CACNA1E: variants seen among roughly 807,000 people sequenced by gnomAD.
CACNA1E encodes the protein calcium voltage-gated channel subunit alpha1 E, also known as voltage-dependent R-type calcium channel subunit alpha-1E.
In CACNA1E, 40 loss-of-function variants were observed where a neutral mutation model predicts 259.2. The ratio of observed to expected loss-of-function variants is 0.15; its 90% CI spans 0.12 to 0.20. The LOEUF (loss-of-function observed/expected upper bound fraction) is 0.20, where lower values mean the gene tolerates loss of function less well. Among genes scored for constraint, CACNA1E ranks in the 10% least tolerant of loss-of-function variants. The probability of loss-of-function intolerance (pLI) is 1.00; values close to 1 mark genes in which losing one functional copy is unlikely to be tolerated. For missense variants in CACNA1E, 1,874 were observed against 3,040.1 expected, an observed-to-expected ratio of 0.62 and a Z score of 9.02; for synonymous variants, 1,104 against 1,138.5, an observed-to-expected ratio of 0.97 and a Z score of 0.61.
intron 6 of CACNA1E, among the ~76,000 whole-genome samples, chr1:181,622,772 C>T (rs981072957): frequency 5.3e-5 from 8 of 152,238 alleles, no homozygotes; most frequent in Non-Finnish European, 1.0e-4. Flanking sequence ...TTTCATTGTC[C>T]TGTTGTCCTT....
intron 6 of CACNA1E, among the ~76,000 whole-genome samples, chr1:181,649,842 G>C (rs1297538410): frequency 6.6e-6 from 1 of 152,128 alleles, no homozygotes; most frequent in East Asian, 1.9e-4. Context: ...ACACACTGGA[G>C]TCTTTTGGAG....
chr1:181,570,165 T>C (rs1292257112), intron 3 of CACNA1E, among the ~76,000 whole-genome samples: 1 of 112,424 alleles, frequency 8.9e-6, no homozygotes, highest in Non-Finnish European at 1.8e-5. Context: ...TGTAGTAGAC[T>C]TTTTTTTTTT....
chr1:181,547,824 T>C (rs1215741785), intron 3 of CACNA1E, among the ~76,000 whole-genome samples: 2 of 152,254 alleles, frequency 1.3e-5, no homozygotes. Flanking sequence ...TTTATCAGAA[T>C]ATAACACTGC....
At chr1:181,400,783 T>C (rs1047128265) in intron 1 of CACNA1E, among the ~76,000 whole-genome samples, 1 of 152,240 alleles carries the variant, frequency 6.6e-6, no homozygotes, top group South Asian at 2.1e-4. Flanking sequence ...TTGGGGTACA[T>C]TGAGCTCCTA....
chr1:181,732,524 C>T lies in CACNA1E; in HGVS notation c.2438C>T (p.Pro813Leu), dbSNP rs186600513. ...ATGAACCCGCTCAACCCCCTCAACC[C>T]GCTCAGCTCCCTCAACCCGCTCAAT... is the stretch of plus-strand genomic sequence containing the variant. ...PTMNPLNPLN[P>L]LSSLNPLNAH... Residue 813 changes from proline (P) to leucine (L), a missense_variant, in exon 20 of 48, where the codon CCG (proline) becomes CTG (leucine). This residue lies in a region of CACNA1E where 476 missense variants were observed against 514.0 expected (regional missense o/e 0.93). Transcript: ENST00000367573. This position sits in a 1 kb window ranked among gnomAD's most constrained non-coding sequence, Gnocchi z 5.5. 9.0e-6 allele frequency: 14 copies of T among 1,551,316 alleles called. No homozygotes were observed. The highest frequency in any genetic ancestry group is 3.9e-5 in the Admixed American group (2 of 50,942).
rs375430114 is a variant in CACNA1E at position 181,372,831 on chromosome 1, T to A, written c.-14-40302T>A. 8.5e-3 allele frequency among the ~76,000 whole-genome samples: 1,260 copies of A among 147,824 alleles called. 14 individuals carry two copies. The highest frequency in any genetic ancestry group is 0.03 in the African/African-American group (1,161 of 38,850). On this transcript the variant is annotated intron_variant, in intron 1 of 11. Transcript: ENST00000524607. ...TTGAATATATATATATATATATATT[T>A]TTTTTTTAACATGAAGGGATATTGA...
rs765724289 is a variant in CACNA1E, at chr1:181,718,086, C to T, written c.1557C>T (p.Phe519=). 1.2e-6 allele frequency: 2 copies of T among 1,603,922 alleles called. No homozygotes were observed. Among genetic ancestry groups the T allele is most frequent in the Non-Finnish European group, 8.5e-7 (1 of 1,170,828 alleles). The change falls in exon 12 of 48, where the codon TTC becomes TTT. Residue 519 remains phenylalanine, a synonymous_variant. Transcript: ENST00000367573. ...YYAEFLFLGL[F]LLEMSLKMYG... is the part of the protein sequence containing the mutation. Reference sequence around the variant, plus strand: ...CAGAATTTCTGTTTCTGGGACTCTTCCTCTTGGAGATGTCCCTGAAGATGT... The same window carrying T: ...CAGAATTTCTGTTTCTGGGACTCTTTCTCTTGGAGATGTCCCTGAAGATGT...
Position 181,802,819 on chromosome 1 carries a change from A to G in CACNA1E, c.*3985A>G, listed in dbSNP as rs1662373269. On this transcript the variant is annotated 3_prime_UTR_variant, in exon 48 of 48. Transcript: ENST00000367573. ...TGTTCTCAATTTTTCATTACATCCT[A>G]CTTCTCAGCCCTCTGGATGTTTCAT... The G allele has an allele frequency of 6.6e-6, 1 of 152,116 alleles. No individual in the cohort carries two copies. Among genetic ancestry groups the G allele is most frequent in the African/African-American group, 2.4e-5 (1 of 41,396 alleles). The allele number at this position is 152,116 out of a possible 1,614,324, so 9.4% of individuals were successfully genotyped here.
rs962193303 is a variant in CACNA1E, at chr1:181,789,339, G to A, written c.5787-1106G>A. On this transcript the variant is annotated intron_variant, in intron 43 of 47. Transcript: ENST00000367573. ...CATTGGAAGCAAGGGGACAGATTAGGTGATTCTCTGCTCTTCATATCTTCT... is the reference window on the plus strand; with the variant it reads ...CATTGGAAGCAAGGGGACAGATTAGATGATTCTCTGCTCTTCATATCTTCT... 2.6e-5 allele frequency among the ~76,000 whole-genome samples: 4 copies of A among 152,306 alleles called. 1 individual carries two copies. Among genetic ancestry groups the A allele is most frequent in the Admixed American group, 2.6e-4 (4 of 15,308 alleles).
intron 1 of CACNA1E, among the ~76,000 whole-genome samples, chr1:181,391,939 C>CTGTGTGTGTGTGTGTGTGTG (rs1227455808): frequency 9.0e-6 from 1 of 110,960 alleles, no homozygotes; most frequent in African/African-American, 4.1e-5. Flanking sequence ...CTCTCTCTCT[C>CTGTGTGTGTGTGTGTGTGTG]TCTCTCTGTG....
intron 1 of CACNA1E, among the ~76,000 whole-genome samples, chr1:181,400,912 G>T (rs1464237520): frequency 6.6e-6 from 1 of 152,114 alleles, no homozygotes; most frequent in Non-Finnish European, 1.5e-5. Flanking sequence ...CTCTCCCACG[G>T]TCTGTCCTCA....
intron 1 of CACNA1E, among the ~76,000 whole-genome samples, chr1:181,334,530 G>A (rs561003542): frequency 7.2e-5 from 11 of 152,036 alleles, no homozygotes; most frequent in Admixed American, 5.9e-4. Context: ...TTCAATCTTC[G>A]CTATGTCAGT....
intron 6 of CACNA1E, among the ~76,000 whole-genome samples, chr1:181,625,660 G>T (rs1290331078): frequency 6.6e-6 from 1 of 152,172 alleles, no homozygotes; most frequent in African/African-American, 2.4e-5. Context: ...TGTTGTGACT[G>T]GTTTGATCTT....
chr1:181,390,814 C>T lies in CACNA1E; in HGVS notation c.-14-22319C>T, dbSNP rs182924172. ...CAAGCAGGGGAAAAAGTCAGATGGA[C>T]ATGTAACTATGTAATTATAGTGTGT... On this transcript the variant is annotated intron_variant, in intron 1 of 11. Transcript: ENST00000524607. 2.3e-3 allele frequency among the ~76,000 whole-genome samples: 353 copies of T among 152,202 alleles called. 2 individuals carry two copies. Among genetic ancestry groups the T allele is most frequent in the Middle Eastern group, 6.8e-3 (2 of 294 alleles).
intron 1 of CACNA1E, among the ~76,000 whole-genome samples, chr1:181,351,684 C>T (rs1286563766): frequency 6.6e-6 from 1 of 152,138 alleles, no homozygotes; most frequent in Non-Finnish European, 1.5e-5. Flanking sequence ...CATTCCTTGG[C>T]CTGTGACCAC....
chr1:181,787,125 TG>T (rs1660911958), intron 43 of CACNA1E, among the ~76,000 whole-genome samples: 6 of 152,148 alleles, frequency 3.9e-5, no homozygotes, highest in Admixed American at 3.9e-4. Flanking sequence ...GTTTTTTGTT[TG>T]TTTGTTTTTT....
At chr1:181,639,463 C>G (rs1464324451) in intron 6 of CACNA1E, among the ~76,000 whole-genome samples, 2 of 152,132 alleles carry the variant, frequency 1.3e-5, no homozygotes, top group Admixed American at 6.5e-5. Flanking sequence ...GTCTAAGTGA[C>G]AGGAAAATGT....
At chr1:181,431,537 A>G (rs1023249018) in intron 2 of CACNA1E, among the ~76,000 whole-genome samples, 6 of 152,310 alleles carry the variant, frequency 3.9e-5, no homozygotes, top group Non-Finnish European at 8.8e-5. Context: ...GACCTGGTCC[A>G]GGATATTAAC....
chr1:181,640,030 C>T (rs971077400), intron 6 of CACNA1E, among the ~76,000 whole-genome samples: 2 of 152,120 alleles, frequency 1.3e-5, no homozygotes, highest in African/African-American at 2.4e-5. Flanking sequence ...GGGAGGAATT[C>T]GGCATCAGTG....
Sources: gnomAD v4.1 joint callset for allele counts (sites outside exome capture counted in the v4.1 genomes callset) on GRCh38, gnomAD v4.1.1 for gene constraint, gnomAD v4.1.1 regional missense constraint, Gnocchi (gnomAD v3.1) non-coding constraint, MANE v1.5 for transcripts, NCBI Gene and HGNC (gene_info 2026-07-23, HGNC 2026-07-21) for gene names.